The following EPB41L4A variants were observed in gnomAD, a reference collection of about 807,000 sequenced individuals.
The protein encoded by EPB41L4A is band 4.1-like protein 4A.
A neutral mutation model predicts 108.6 loss-of-function variants in EPB41L4A; 100 were observed. That is an observed-to-expected ratio of 0.92 (90% CI 0.78 to 1.09). EPB41L4A has a LOEUF of 1.09. EPB41L4A is among the 50% of genes least tolerant of loss of function. The pLI is 0.00. For missense variants in EPB41L4A, 1,030 were observed against 842.7 expected, an observed-to-expected ratio of 1.22 and a Z score of -2.75; for synonymous variants, 319 against 289.0, an observed-to-expected ratio of 1.10 and a Z score of -1.05.
chr5:112,172,664 A>G (rs1760650265), intron 18 of EPB41L4A, among the ~76,000 whole-genome samples: 1 of 152,194 alleles, frequency 6.6e-6, no homozygotes, highest in South Asian at 2.1e-4. Context: ...AGAAAGTGCT[A>G]ATATTAAAAA....
intron 1 of EPB41L4A, among the ~76,000 whole-genome samples, chr5:112,370,800 A>C (rs1049766269): frequency 1.3e-5 from 2 of 152,154 alleles, no homozygotes; most frequent in African/African-American, 4.8e-5. Context: ...CTGTAGTCCC[A>C]GCTACTCAGG....
chr5:112,291,432 T>C (rs1269188613), intron 2 of EPB41L4A, among the ~76,000 whole-genome samples: 2 of 152,310 alleles, frequency 1.3e-5, no homozygotes, highest in East Asian at 1.9e-4. Flanking sequence ...TGATATATAT[T>C]GGTTTTCATC....
intron 1 of EPB41L4A, among the ~76,000 whole-genome samples, chr5:112,354,687 T>G (rs369348868): frequency 6.6e-6 from 1 of 152,210 alleles, no homozygotes; most frequent in African/African-American, 2.4e-5. Context: ...AGATTTTTCA[T>G]GAATGAAAAT....
At chr5:112,411,859 T>G (rs1475575061) in intron 1 of EPB41L4A, among the ~76,000 whole-genome samples, 1 of 152,196 alleles carries the variant, frequency 6.6e-6, no homozygotes, top group Admixed American at 6.5e-5. Context: ...GTTCCAAGCC[T>G]GCTTCTCAAA....
intron 1 of EPB41L4A, among the ~76,000 whole-genome samples, chr5:112,344,653 G>A (rs1757523245): frequency 6.6e-6 from 1 of 152,158 alleles, no homozygotes. Flanking sequence ...AGGCCTGAAG[G>A]GCAGAATTGA....
rs568600747 is a variant in EPB41L4A, at chr5:112,320,535, T to A, written c.100-13045A>T. Among the ~76,000 whole-genome samples the A allele has an allele frequency of 4.6e-5, 7 of 152,310 alleles. No homozygotes were observed. The East Asian group carries it at 1.2e-3, about 25-fold the overall frequency. ...AACAGTGGGGCAGGGGATTGGCTTA[T>A]GTCCTCCTGTTAACAGCCTGTTTCC... is the stretch of plus-strand genomic sequence containing the variant. On this transcript the variant is annotated intron_variant, in intron 1 of 22. Coordinates refer to ENST00000261486, the MANE Select transcript of EPB41L4A (RefSeq NM_022140.5).
At chr5:112,340,357 G>C (rs1757233098) in intron 1 of EPB41L4A, among the ~76,000 whole-genome samples, 1 of 152,160 alleles carries the variant, frequency 6.6e-6, no homozygotes, top group Non-Finnish European at 1.5e-5. Context: ...GATCTGGAGT[G>C]GGGCCCCAAA....
At chr5:112,228,575 A>C in intron 12 of EPB41L4A, 1 of 289,416 alleles carries the variant, frequency 3.5e-6, no homozygotes, top group Non-Finnish European at 5.2e-6. Flanking sequence ...CAGATAATCA[A>C]AGCCTTGTGT....
intron 18 of EPB41L4A, among the ~76,000 whole-genome samples, chr5:112,171,442 C>A (rs941334096): frequency 1.3e-5 from 2 of 152,176 alleles, no homozygotes; most frequent in African/African-American, 4.8e-5. Flanking sequence ...GTGGGATGGC[C>A]CTGATGGCAG....
intron 5 of EPB41L4A, 58 bp downstream of exon 5, chr5:112,266,175 A>C: frequency 7.8e-7 from 1 of 1,277,356 alleles, no homozygotes; most frequent in Non-Finnish European, 1.1e-6. Flanking sequence ...CTCCCTTTTA[A>C]AAATGCAAAT....
chr5:112,254,443 G>A (rs558510551), intron 9 of EPB41L4A, among the ~76,000 whole-genome samples: 1 of 152,258 alleles, frequency 6.6e-6, no homozygotes, highest in African/African-American at 2.4e-5. Flanking sequence ...CCACCCTGCA[G>A]CCAGAGTGTG....
At chr5:112,305,366 C>A (rs1754620282) in intron 2 of EPB41L4A, among the ~76,000 whole-genome samples, 1 of 152,064 alleles carries the variant, frequency 6.6e-6, no homozygotes, top group South Asian at 2.1e-4. Flanking sequence ...CCAGTGCAGA[C>A]AACTTCTCTG....
chr5:112,408,663 G>A (rs576021315), intron 1 of EPB41L4A, among the ~76,000 whole-genome samples: 2 of 94,026 alleles, frequency 2.1e-5, no homozygotes, highest in East Asian at 7.9e-4. Context: ...GCAACATGGT[G>A]AGACTCCATC....
chr5:112,227,705 C>T (rs1291786952), intron 12 of EPB41L4A, among the ~76,000 whole-genome samples: 1 of 152,222 alleles, frequency 6.6e-6, no homozygotes, highest in Non-Finnish European at 1.5e-5. Context: ...TGAGGTTCTG[C>T]TGACTTGCAT....
intron 18 of EPB41L4A, among the ~76,000 whole-genome samples, chr5:112,172,353 A>C (rs972092453): frequency 5.9e-5 from 9 of 152,104 alleles, no homozygotes; most frequent in African/African-American, 2.2e-4. Context: ...TCTACTAAAA[A>C]TACAAAAAAT....
intron 1 of EPB41L4A, among the ~76,000 whole-genome samples, chr5:112,374,997 C>T (rs9885137): frequency 0.022 from 3,318 of 152,228 alleles, 129 homozygotes; most frequent in African/African-American, 0.067. Context: ...TCCAGCTACA[C>T]GTAACAATCA....
At chr5:112,398,355 A>G (rs1483210480) in intron 1 of EPB41L4A, among the ~76,000 whole-genome samples, 3 of 152,248 alleles carry the variant, frequency 2.0e-5, no homozygotes, top group Admixed American at 6.5e-5. Flanking sequence ...AAACAGCCCC[A>G]TAATAAATGC....
chr5:112,164,813 G>T lies in EPB41L4A; in HGVS notation c.*177C>A. 1 of 579,632 alleles carries T rather than the reference G, an allele frequency of 1.7e-6. No homozygotes were observed. The highest frequency in any genetic ancestry group is 2.6e-6 in the Non-Finnish European group (1 of 377,444). The allele number at this position is 579,632 out of a possible 1,614,324, so 35.9% of individuals were successfully genotyped here. A position where few individuals can be genotyped will look rare whatever the true frequency, so the allele number is the denominator to read the frequency against. On this transcript the variant is annotated 3_prime_UTR_variant, in exon 23 of 23. Coordinates refer to ENST00000261486, the MANE Select transcript of EPB41L4A (RefSeq NM_022140.5). ...GGTGCCGCTGCACTCCAGCCTGGGC[G>T]ACAGAGTGATAACATCTCAAAAAAA...
chr5:112,150,553 A>G (rs192140885), intron 12 of EPB41L4A, among the ~76,000 whole-genome samples: 1 of 152,340 alleles, frequency 6.6e-6, no homozygotes, highest in African/African-American at 2.4e-5. Context: ...GTTGGAAGAT[A>G]AAGCTGAAGA....
Sources: gnomAD v4.1 joint callset for allele counts (sites outside exome capture counted in the v4.1 genomes callset) on GRCh38, gnomAD v4.1.1 for gene constraint, MANE v1.5 for transcripts, NCBI Gene and HGNC (gene_info 2026-07-23, HGNC 2026-07-21) for gene names.